The following HECW1 variants were observed in gnomAD, a reference collection of about 807,000 sequenced individuals.
HECW1 encodes E3 ubiquitin-protein ligase HECW1.
Under a neutral mutation model 182.3 loss-of-function variants are expected in HECW1, and 61 were observed. That is an observed-to-expected ratio of 0.33 (90% confidence interval 0.27 to 0.41). HECW1 has a LOEUF of 0.41. Ranked by LOEUF, HECW1 falls within the 10% of genes least tolerant of loss-of-function variation. The probability of loss-of-function intolerance (pLI) is 1.00; values close to 1 mark genes in which losing one functional copy is unlikely to be tolerated. For synonymous variants in HECW1, 859 were observed against 832.6 expected (o/e 1.03, Z -0.55); for missense variants, 1,739 against 2,108.9 (o/e 0.82, Z 3.44).
At chr7:43,254,337 A>G (rs373038516) in intron 3 of HECW1, among the ~76,000 whole-genome samples, 3 of 152,324 alleles carry the variant, frequency 2.0e-5, no homozygotes, top group African/African-American at 7.2e-5. Context: ...TAATTGTTAG[A>G]GAGAAGAAAT....
intron 3 of HECW1, among the ~76,000 whole-genome samples, chr7:43,289,505 G>A (rs1410213046): frequency 6.6e-6 from 1 of 152,182 alleles, no homozygotes; most frequent in East Asian, 1.9e-4. Context: ...GTTCTTACTT[G>A]TCTGAATGAT....
In HECW1 at chr7:43,112,724, C is replaced by T. The variant is rs1784714760; in HGVS notation, c.-480C>T. 8.7e-6 allele frequency: 2 copies of T among 230,832 alleles called. No individual in the cohort carries two copies. The highest frequency in any genetic ancestry group is 1.7e-5 in the Non-Finnish European group (2 of 116,480). The allele number at this position is 230,832 out of a possible 1,614,324, so 14.3% of individuals were successfully genotyped here. A position where few individuals can be genotyped will look rare whatever the true frequency, so the allele number is the denominator to read the frequency against. Reference sequence around the variant, plus strand: ...GCCCCCTCCTCGCGCACACACTCGCCGAGCCGCGCGCGCCCCTCCGCCGTG... The same window carrying T: ...GCCCCCTCCTCGCGCACACACTCGCTGAGCCGCGCGCGCCCCTCCGCCGTG... On this transcript the variant is annotated 5_prime_UTR_variant, in exon 1 of 30. Coordinates refer to ENST00000395891, the MANE Select transcript of HECW1 (RefSeq NM_015052.5).
intron 2 of HECW1, among the ~76,000 whole-genome samples, chr7:43,199,467 C>G (rs1794835273): frequency 6.6e-6 from 1 of 152,064 alleles, no homozygotes; most frequent in Admixed American, 6.5e-5. Context: ...TTATTCTTTT[C>G]CCCCTGGAAC....
chr7:43,268,769 GTTGT>G (rs1554335017), intron 3 of HECW1, among the ~76,000 whole-genome samples: 23 of 142,148 alleles, frequency 1.6e-4, no homozygotes, highest in African/African-American at 6.2e-4. Context: ...TGTTGTTGTT[GTTGT>G]TTGTTTGTTT....
intron 3 of HECW1, chr7:43,245,487 G>A (rs549849796): frequency 3.4e-4 from 52 of 152,294 alleles, no homozygotes; most frequent in African/African-American, 1.2e-3. Flanking sequence ...CAGGACTAGT[G>A]TCCTTGGGAA....
chr7:43,281,650 C>G (rs1472635089), intron 3 of HECW1, among the ~76,000 whole-genome samples: 1 of 150,980 alleles, frequency 6.6e-6, no homozygotes, highest in Non-Finnish European at 1.5e-5. Context: ...TGCTAAGCCT[C>G]TTCTAGCTCT....
chr7:43,227,655 T>G (rs530001474), intron 2 of HECW1, among the ~76,000 whole-genome samples: 5 of 152,330 alleles, frequency 3.3e-5, no homozygotes, highest in African/African-American at 1.2e-4. Flanking sequence ...ACATTTTTTC[T>G]TACTTGAAAT....
intron 2 of HECW1, among the ~76,000 whole-genome samples, chr7:43,142,036 A>G (rs377035958): frequency 3.9e-5 from 6 of 152,210 alleles, no homozygotes; most frequent in African/African-American, 1.2e-4. Context: ...TGGAGTCTGT[A>G]TTTATTTCTC....
At chr7:43,185,736 A>G (rs1428533318) in intron 2 of HECW1, among the ~76,000 whole-genome samples, 1 of 152,216 alleles carries the variant, frequency 6.6e-6, no homozygotes. Context: ...TACACACAGA[A>G]TAACTTCAAA....
At chr7:43,547,249 C>T (rs1220760051) in intron 26 of HECW1, among the ~76,000 whole-genome samples, 1 of 152,096 alleles carries the variant, frequency 6.6e-6, no homozygotes, top group East Asian at 1.9e-4. Context: ...ACTGCACTCA[C>T]ATAAAAGCTG....
chr7:43,187,446 T>G lies in HECW1; in HGVS notation c.-31-56429T>G, dbSNP rs542675133. ...GTAACTTAACTCATTTTTGTTATTT[T>G]GATTCGTGCTTTCAAATTTTAGGGT... On this transcript the variant is annotated intron_variant, in intron 2 of 29. Coordinates refer to ENST00000395891, the MANE Select transcript of HECW1 (RefSeq NM_015052.5). Among the ~76,000 whole-genome samples the G allele has an allele frequency of 1.3e-3, 195 of 152,314 alleles. 2 individuals carry two copies. Among genetic ancestry groups the G allele is most frequent in the Middle Eastern group, 6.8e-3 (2 of 294 alleles).
intron 26 of HECW1, among the ~76,000 whole-genome samples, chr7:43,547,378 C>A (rs568696236): frequency 7.2e-4 from 110 of 152,098 alleles, no homozygotes; most frequent in African/African-American, 2.5e-3. Flanking sequence ...GAAACCCCAT[C>A]TCTACTAAAA....
intron 2 of HECW1, among the ~76,000 whole-genome samples, chr7:43,180,495 A>G (rs1002722857): frequency 2.0e-5 from 3 of 152,090 alleles, no homozygotes; most frequent in Non-Finnish European, 4.4e-5. Context: ...CACTGGGTTC[A>G]CGCCATTCTC....
At chr7:43,178,913 C>A (rs1261044804) in intron 2 of HECW1, among the ~76,000 whole-genome samples, 1 of 151,864 alleles carries the variant, frequency 6.6e-6, no homozygotes, top group African/African-American at 2.4e-5. Context: ...GCAGCCTTTT[C>A]AGAACACTTC....
chr7:43,486,333 C>T (rs888019703), intron 17 of HECW1, among the ~76,000 whole-genome samples: 3 of 151,500 alleles, frequency 2.0e-5, no homozygotes, highest in Non-Finnish European at 4.4e-5. Flanking sequence ...GTCTCCCAGG[C>T]TGGAGTGCAA....
intron 8 of HECW1, among the ~76,000 whole-genome samples, chr7:43,418,230 A>G (rs528604284): frequency 2.6e-5 from 4 of 152,306 alleles, no homozygotes; most frequent in Admixed American, 2.6e-4. Context: ...TACATCTGTA[A>G]AGACCCTATT....
chr7:43,504,301 A>C (rs1306087914), intron 21 of HECW1, among the ~76,000 whole-genome samples: 1 of 152,156 alleles, frequency 6.6e-6, no homozygotes, highest in Admixed American at 6.5e-5. Context: ...CCTTGTGATC[A>C]TCTCCACAAT....
rs573805074 is a variant in HECW1 at position 43,469,372 on chromosome 7, G to A, written c.3099+267G>A. ...GCCAACTGTTGTGACATTGCTATGT[G>A]TTCCCTGTAATTAAGAACCACTGTC... On this transcript the variant is annotated intron_variant, in intron 16 of 29. Transcript: ENST00000395891. 2.6e-5 allele frequency among the ~76,000 whole-genome samples: 4 copies of A among 152,286 alleles called. No homozygotes were observed. The South Asian group carries it at 8.3e-4, about 32-fold the overall frequency.
At chr7:43,231,670 A>G (rs1797884649) in intron 2 of HECW1, among the ~76,000 whole-genome samples, 1 of 152,012 alleles carries the variant, frequency 6.6e-6, no homozygotes, top group African/African-American at 2.4e-5. Flanking sequence ...GTCAGCAGGA[A>G]CCAAGTCCCG....
Sources: gnomAD v4.1 joint callset for allele counts (sites outside exome capture counted in the v4.1 genomes callset) on GRCh38, gnomAD v4.1.1 for gene constraint, MANE v1.5 for transcripts, NCBI Gene and HGNC (gene_info 2026-07-23, HGNC 2026-07-21) for gene names.